Variants in SDK1 observed in about 807,000 individuals in gnomAD.
The protein encoded by SDK1 is sidekick cell adhesion molecule 1.
A neutral mutation model predicts 245.5 loss-of-function variants in SDK1; 157 were observed. That is an observed-to-expected ratio of 0.64 (90% CI 0.56 to 0.73). The LOEUF is 0.73. Among genes scored for constraint, SDK1 ranks in the 30% least tolerant of loss-of-function variants. The pLI is 0.00. For synonymous variants in SDK1, 1,647 were observed against 1,278.5 expected, an observed-to-expected ratio of 1.29 and a Z score of -6.15; for missense variants, 3,583 against 3,002.3, an observed-to-expected ratio of 1.19 and a Z score of -4.52.
chr7:3,831,116 C>A (rs1428251317), intron 5 of SDK1, among the ~76,000 whole-genome samples: 1 of 152,178 alleles, frequency 6.6e-6, no homozygotes, highest in Non-Finnish European at 1.5e-5. Flanking sequence ...TTCCTGCAGT[C>A]ATTTTACAAT....
intron 17 of SDK1, among the ~76,000 whole-genome samples, chr7:4,042,137 G>A (rs987828070): frequency 7.4e-6 from 1 of 136,054 alleles, no homozygotes; most frequent in Non-Finnish European, 1.5e-5. Context: ...TTGAATGGCT[G>A]TAAACGGTGG....
Position 3,432,120 on chromosome 7 carries a change from A to T in SDK1, c.298+130236A>T, listed in dbSNP as rs1044890121. On this transcript the variant is annotated intron_variant, in intron 1 of 44. Transcript: ENST00000404826. ...AGCTTTGCAGGCTGCAGTAAAAAAA[A>T]AAAAATATATATATGTATTTTATAT... 4.8e-4 allele frequency among the ~76,000 whole-genome samples: 46 copies of T among 95,094 alleles called. 1 individual carries two copies. Among genetic ancestry groups the T allele is most frequent in the African/African-American group, 1.1e-3 (34 of 29,986 alleles). 62.4% of individuals were successfully genotyped at this position (95,094 alleles called of 152,430 possible).
intron 4 of SDK1, among the ~76,000 whole-genome samples, chr7:3,719,778 A>C (rs1012205721): frequency 3.2e-4 from 48 of 152,100 alleles, no homozygotes; most frequent in African/African-American, 1.1e-3. Flanking sequence ...AGAGATTGAG[A>C]CCATCCTGGC....
At chr7:3,786,566 A>G (rs1010713835) in intron 4 of SDK1, among the ~76,000 whole-genome samples, 6 of 152,204 alleles carry the variant, frequency 3.9e-5, no homozygotes, top group Admixed American at 2.6e-4. Context: ...AATGCAAAGA[A>G]CAGCACTGGA....
chr7:3,612,322 G>C (rs1250281831), intron 1 of SDK1, among the ~76,000 whole-genome samples: 1 of 152,180 alleles, frequency 6.6e-6, no homozygotes, highest in Non-Finnish European at 1.5e-5. Flanking sequence ...TTTAACTAGA[G>C]TGGCACATAT....
At chr7:3,732,970 T>G (rs1779221721) in intron 4 of SDK1, among the ~76,000 whole-genome samples, 1 of 152,186 alleles carries the variant, frequency 6.6e-6, no homozygotes, top group African/African-American at 2.4e-5. Flanking sequence ...TAGCAAGTAA[T>G]CTTGGGAGTT....
At chr7:3,398,454 G>C (rs1435646961) in intron 1 of SDK1, among the ~76,000 whole-genome samples, 1 of 151,844 alleles carries the variant, frequency 6.6e-6, no homozygotes, top group African/African-American at 2.4e-5. Flanking sequence ...AGGGATGCTA[G>C]AGGGGACTGA....
intron 5 of SDK1, among the ~76,000 whole-genome samples, chr7:3,847,472 C>T (rs1175568152): frequency 6.6e-6 from 1 of 152,222 alleles, no homozygotes; most frequent in Admixed American, 6.5e-5. Context: ...GAGGAGACTC[C>T]TTATGGCCAT....
chr7:3,428,772 C>T (rs1195779905), intron 1 of SDK1, among the ~76,000 whole-genome samples: 2 of 150,996 alleles, frequency 1.3e-5, no homozygotes, highest in Non-Finnish European at 2.9e-5. Context: ...CAAGAGTCCC[C>T]AGCCTTGGAG....
intron 5 of SDK1, among the ~76,000 whole-genome samples, chr7:3,900,781 G>C (rs202040567): frequency 6.6e-6 from 1 of 151,466 alleles, no homozygotes; most frequent in Non-Finnish European, 1.5e-5. Context: ...TCACACACTC[G>C]TTTTAGACTG....
intron 1 of SDK1, among the ~76,000 whole-genome samples, chr7:3,511,869 G>A (rs377034756): frequency 3.4e-5 from 5 of 147,978 alleles, no homozygotes; most frequent in South Asian, 2.2e-4. Flanking sequence ...CTGATATCTC[G>A]TATGTCTCCT....
chr7:3,570,283 C>T (rs556886410), intron 1 of SDK1, among the ~76,000 whole-genome samples: 32 of 152,268 alleles, frequency 2.1e-4, no homozygotes, highest in South Asian at 8.3e-4. Context: ...TAGTTAGATT[C>T]TCATAAGGAG....
chr7:3,952,858 A>G (rs939363919), intron 7 of SDK1, among the ~76,000 whole-genome samples: 3 of 152,222 alleles, frequency 2.0e-5, no homozygotes, highest in African/African-American at 4.8e-5. Context: ...AAGAAAATAC[A>G]AAACCTATTA....
At chr7:3,782,481 C>A (rs1780776222) in intron 4 of SDK1, among the ~76,000 whole-genome samples, 1 of 152,142 alleles carries the variant, frequency 6.6e-6, no homozygotes, top group Non-Finnish European at 1.5e-5. Flanking sequence ...GTTCTCCAAT[C>A]AAATTCAACC....
chr7:3,991,054 C>T (rs1048992303), intron 14 of SDK1, among the ~76,000 whole-genome samples: 2 of 152,210 alleles, frequency 1.3e-5, no homozygotes, highest in East Asian at 1.9e-4. Flanking sequence ...AGCAAGGAGA[C>T]AGTCAGAGGC....
At position 3,313,373 on chromosome 7, in the gene SDK1, T is replaced by A. The variant is rs6958390; in HGVS notation, c.298+11489T>A. Among the ~76,000 whole-genome samples the A allele has an allele frequency of 2.1e-3, 326 of 152,178 alleles. 2 individuals are homozygous for A. The highest frequency in any genetic ancestry group is 5.0e-3 in the Admixed American group (76 of 15,294). Reference sequence around the variant, plus strand: ...AGTGAGCTGAGGTTGCGCCATTGTATTCCAGCCTGGCGACGGAGCGAGACT... The same window carrying A: ...AGTGAGCTGAGGTTGCGCCATTGTAATCCAGCCTGGCGACGGAGCGAGACT... On this transcript the variant is annotated intron_variant, in intron 1 of 44. Coordinates refer to ENST00000404826, the MANE Select transcript of SDK1 (RefSeq NM_152744.4).
chr7:4,124,645 G>A (rs588123), intron 25 of SDK1, among the ~76,000 whole-genome samples: 101,442 of 152,090 alleles, frequency 0.67, 34,997 homozygotes, highest in East Asian at 0.89. Flanking sequence ...AGGGGGCACA[G>A]GTTCAAGCCA....
intron 28 of SDK1, among the ~76,000 whole-genome samples, chr7:4,144,176 G>A (rs567896505): frequency 8.5e-5 from 13 of 152,260 alleles, no homozygotes; most frequent in African/African-American, 2.9e-4. Context: ...GCTGGCCGCC[G>A]TCTCTAGGCT....
At chr7:4,194,292 ACG>A (rs1562415571) in intron 35 of SDK1, among the ~76,000 whole-genome samples, 3 of 101,912 alleles carry the variant, frequency 2.9e-5, no homozygotes, top group Non-Finnish European at 6.6e-5. Flanking sequence ...ATATGTATGC[ACG>A]TATGTGTATA....
Sources: allele counts gnomAD v4.1 joint callset (sites outside exome capture counted in the v4.1 genomes callset), GRCh38; gene constraint gnomAD v4.1.1; transcripts MANE v1.5; gene names NCBI Gene and HGNC (gene_info 2026-07-23, HGNC 2026-07-21).